The following PCDH11X variants were observed in gnomAD, a reference collection of about 807,000 sequenced individuals.
PCDH11X encodes the protein protocadherin 11 X-linked.
Under a neutral mutation model 53.3 loss-of-function variants are expected in PCDH11X, and 18 were observed. The observed-to-expected ratio is 0.34, with a 90% CI of 0.23 to 0.50. The LOEUF is 0.50. Ranked by LOEUF, PCDH11X falls within the 20% of genes least tolerant of loss-of-function variation. The probability of loss-of-function intolerance (pLI) is 0.98; values close to 1 mark genes in which losing one functional copy is unlikely to be tolerated. For missense variants in PCDH11X, 570 were observed against 1,032.4 expected, an observed-to-expected ratio of 0.55 and a Z score of 6.14; for synonymous variants, 279 against 393.3, an observed-to-expected ratio of 0.71 and a Z score of 3.44.
In PCDH11X at chrX:91,935,548, C is replaced by T. The variant is rs768843467; in HGVS notation, c.3033+56275C>T. On this transcript the variant is annotated intron_variant, in intron 6 of 10. Coordinates refer to ENST00000682573, the MANE Select transcript of PCDH11X (RefSeq NM_032968.5). ...TCAGTGCTGAGAATATCCACTAAACCTTGTCACACTTTTTGTTACTGTCCA... is the reference window on the plus strand; with the variant it reads ...TCAGTGCTGAGAATATCCACTAAACTTTGTCACACTTTTTGTTACTGTCCA... Among the ~76,000 whole-genome samples the T allele has an allele frequency of 5.3e-3, 572 of 108,327 alleles. 4 individuals carry two copies. Among genetic ancestry groups the T allele is most frequent in the African/African-American group, 0.018 (544 of 29,897 alleles). The allele number at this position is 108,327 out of a possible 115,157, so 94.1% of individuals were successfully genotyped here.
intron 6 of PCDH11X, among the ~76,000 whole-genome samples, chrX:91,958,833 A>T (rs191474718): frequency 0.013 from 1,407 of 107,999 alleles, 33 homozygotes; most frequent in African/African-American, 0.046. Flanking sequence ...GTAAACTGTT[A>T]CTTGTTCTTC....
At chrX:92,056,456 C>T (rs1430763660) in intron 6 of PCDH11X, among the ~76,000 whole-genome samples, 1 of 111,461 alleles carries the variant, frequency 9.0e-6, no homozygotes, top group Admixed American at 9.6e-5. Context: ...ACATAGTTGG[C>T]AAGAATTTTC....
intron 10 of PCDH11X, among the ~76,000 whole-genome samples, chrX:92,514,963 C>T (rs1354690954): frequency 4.0e-5 from 4 of 99,030 alleles, no homozygotes; most frequent in African/African-American, 7.5e-5. Context: ...AGGAAAATGG[C>T]GTGAACCCGG....
chrX:92,351,576 G>A (rs975948467), intron 8 of PCDH11X, among the ~76,000 whole-genome samples: 1 of 111,250 alleles, frequency 9.0e-6, no homozygotes, highest in Non-Finnish European at 1.9e-5. Flanking sequence ...CTTTACATTT[G>A]AATGGACTAC....
intron 10 of PCDH11X, among the ~76,000 whole-genome samples, chrX:92,545,458 G>GT (rs1374568464): frequency 1.0e-5 from 1 of 98,506 alleles, no homozygotes; most frequent in Non-Finnish European, 2.0e-5. Flanking sequence ...CTGGAATGCA[G>GT]TGGAGCCGTC....
intron 6 of PCDH11X, among the ~76,000 whole-genome samples, chrX:92,110,992 C>A (rs2064491384): frequency 9.2e-6 from 1 of 108,316 alleles, no homozygotes; most frequent in Non-Finnish European, 1.9e-5. Context: ...TAAATGCAGT[C>A]AACATCTGGG....
chrX:91,888,361 T>G (rs1940328878), intron 6 of PCDH11X, among the ~76,000 whole-genome samples: 1 of 111,889 alleles, frequency 8.9e-6, no homozygotes, highest in Non-Finnish European at 1.9e-5. Flanking sequence ...TTTAAAAAAA[T>G]TTTCAGTGGC....
rs2754935 is a variant in PCDH11X at position 92,401,373 on chromosome X, G to A, written c.3343+13440G>A. Reference sequence around the variant, plus strand: ...CTTGGCATTTTTATAACTCCAAATCGTCACGGAAGTAAAACATTTTTAATA... The same window carrying A: ...CTTGGCATTTTTATAACTCCAAATCATCACGGAAGTAAAACATTTTTAATA... On this transcript the variant is annotated intron_variant, in intron 9 of 10. Transcript: ENST00000682573. Among the ~76,000 whole-genome samples, 17 of 111,368 alleles carry A rather than the reference G, an allele frequency of 1.5e-4. No individual in the cohort carries two copies. The East Asian group carries it at 1.7e-3, about 11-fold the overall frequency.
intron 6 of PCDH11X, among the ~76,000 whole-genome samples, chrX:91,935,827 C>A (rs1602523695): frequency 2.8e-5 from 3 of 107,315 alleles, no homozygotes; most frequent in South Asian, 4.1e-4. Context: ...GCAGGGGCTT[C>A]CAGGCCATAG....
At chrX:92,494,752 G>A (rs1374669075) in intron 10 of PCDH11X, among the ~76,000 whole-genome samples, 1 of 101,576 alleles carries the variant, frequency 9.8e-6, no homozygotes, top group Non-Finnish European at 2.0e-5. Context: ...TGAAGTATCA[G>A]TAAATGCATA....
intron 8 of PCDH11X, among the ~76,000 whole-genome samples, chrX:92,339,698 C>A (rs1181430697): frequency 9.2e-6 from 1 of 108,492 alleles, no homozygotes; most frequent in Non-Finnish European, 1.9e-5. Context: ...GGTGCTAAAT[C>A]ATTTATGAGG....
At chrX:92,552,972 A>G (rs1267382550) in intron 10 of PCDH11X, among the ~76,000 whole-genome samples, 3 of 98,691 alleles carry the variant, frequency 3.0e-5, no homozygotes, top group Non-Finnish European at 4.1e-5. Context: ...AATACTCATC[A>G]CGGATATTGT....
chrX:92,183,564 T>A (rs1039880041), intron 6 of PCDH11X, among the ~76,000 whole-genome samples: 4 of 112,305 alleles, frequency 3.6e-5, no homozygotes, highest in Non-Finnish European at 7.5e-5. Flanking sequence ...AGAATTCAAG[T>A]CAGATCATGT....
intron 10 of PCDH11X, among the ~76,000 whole-genome samples, chrX:92,522,372 AT>A (rs2074383562): frequency 8.9e-6 from 1 of 111,763 alleles, no homozygotes; most frequent in South Asian, 3.7e-4. Flanking sequence ...ACACACATTT[AT>A]TGATTGTTCG....
At chrX:92,353,606 T>G (rs2070114340) in intron 8 of PCDH11X, among the ~76,000 whole-genome samples, 1 of 110,601 alleles carries the variant, frequency 9.0e-6, no homozygotes, top group Non-Finnish European at 1.9e-5. Flanking sequence ...ATGCATGACG[T>G]CTTTTAATTT....
At chrX:92,244,556 C>G (rs2067313602) in intron 7 of PCDH11X, among the ~76,000 whole-genome samples, 1 of 111,038 alleles carries the variant, frequency 9.0e-6, no homozygotes, top group Admixed American at 9.7e-5. Context: ...AAATAATGAT[C>G]GTCATCAAAA....
Position 92,618,778 on chromosome X carries a change from G to A in PCDH11X, c.3882G>A (p.Gln1294=), listed in dbSNP as rs148875131. The A allele has an allele frequency of 8.3e-6, 10 of 1,210,333 alleles. No homozygotes were observed. In the African/African-American group the frequency reaches 1.6e-4, roughly 19 times the overall value. ...QGADGLCSVD[Q]GVQGSATSQF... ...CTGATGGGCTATGCTCTGTTGATCA[G>A]GGAGTGCAAGGTAGTGCAACATCTC... Residue 1294 remains glutamine, a synonymous_variant, in exon 11 of 11, where the codon CAG becomes CAA. Transcript: ENST00000682573.
chrX:91,804,809 TAGAA>T (rs1370273874), intron 1 of PCDH11X, among the ~76,000 whole-genome samples: 2 of 110,712 alleles, frequency 1.8e-5, no homozygotes, highest in South Asian at 3.8e-4. Flanking sequence ...TCATCCTACT[TAGAA>T]AGAATAATTT....
At chrX:91,935,694 T>C (rs1377478905) in intron 6 of PCDH11X, among the ~76,000 whole-genome samples, 2 of 110,613 alleles carry the variant, frequency 1.8e-5, no homozygotes, top group African/African-American at 6.6e-5. Flanking sequence ...CAGGAGGTCC[T>C]GATGCCACGT....
Sources: allele counts gnomAD v4.1 joint callset (sites outside exome capture counted in the v4.1 genomes callset), GRCh38; gene constraint gnomAD v4.1.1; transcripts MANE v1.5; gene names NCBI Gene and HGNC (gene_info 2026-07-23, HGNC 2026-07-21).